NEK7: variants seen among roughly 807,000 people sequenced by gnomAD.
NEK7 encodes the protein NIMA related kinase 7, also known as serine/threonine-protein kinase Nek7.
NEK7 carries 18 observed loss-of-function variants against 44.6 expected under a neutral mutation model. The ratio of observed to expected loss-of-function variants is 0.40; its 90% confidence interval spans 0.28 to 0.60. The LOEUF (loss-of-function observed/expected upper bound fraction) is 0.60. Ranked by LOEUF, NEK7 falls within the 20% of genes least tolerant of loss-of-function variation. The probability of loss-of-function intolerance (pLI) is 0.38; values close to 1 mark genes in which losing one functional copy is unlikely to be tolerated. For synonymous variants in NEK7, 130 were observed against 121.1 expected, an observed-to-expected ratio of 1.07 and a Z score of -0.48; for missense variants, 256 against 366.5, an observed-to-expected ratio of 0.70 and a Z score of 2.46.
intron 5 of NEK7, among the ~76,000 whole-genome samples, chr1:198,265,884 A>G (rs1303893719): frequency 6.6e-6 from 1 of 152,120 alleles, no homozygotes; most frequent in East Asian, 1.9e-4. Context: ...ATGTCTTTAA[A>G]AAGTATACAT....
intron 3 of NEK7, 97 bp from the exon 4 acceptor site, chr1:198,262,478 G>A: frequency 1.3e-6 from 1 of 749,810 alleles, no homozygotes; most frequent in South Asian, 1.8e-5. Context: ...ATTCCTTAGT[G>A]TACAAATAAT....
intron 1 of NEK7, among the ~76,000 whole-genome samples, chr1:198,160,731 T>C (rs1408037305): frequency 6.6e-6 from 1 of 152,194 alleles, no homozygotes; most frequent in Non-Finnish European, 1.5e-5. Context: ...TAACATTTGG[T>C]TACATAATTG....
At chr1:198,259,639 T>C (rs1319109435) in intron 3 of NEK7, among the ~76,000 whole-genome samples, 1 of 152,190 alleles carries the variant, frequency 6.6e-6, no homozygotes, top group Non-Finnish European at 1.5e-5. Context: ...GTGTGTTTCA[T>C]ACCTATAACT....
intron 2 of NEK7, among the ~76,000 whole-genome samples, chr1:198,252,015 G>A (rs2102921213): frequency 6.6e-6 from 1 of 152,118 alleles, no homozygotes; most frequent in South Asian, 2.1e-4. Context: ...GGCATTTAGT[G>A]CTATAAATTG....
chr1:198,210,715 T>C (rs1286057192), intron 1 of NEK7, among the ~76,000 whole-genome samples: 1 of 150,412 alleles, frequency 6.6e-6, no homozygotes, highest in Non-Finnish European at 1.5e-5. Flanking sequence ...CTGTATTATA[T>C]GTCATTGTCC....
At position 198,241,025 on chromosome 1, in the gene NEK7, A is replaced by T. The variant is rs12083845; in HGVS notation, c.57+8388A>T. 6.6e-4 allele frequency among the ~76,000 whole-genome samples: 100 copies of T among 152,226 alleles called. 2 individuals carry two copies. Among genetic ancestry groups the T allele is most frequent in the Middle Eastern group, 3.4e-3 (1 of 294 alleles). ...ATAATTTTTATACAATTCACATGCT[A>T]TCTCTGATTACCATTCTAAAGAAGA... On this transcript the variant is annotated intron_variant, in intron 2 of 9. Transcript: ENST00000367385.
chr1:198,308,893 T>C (rs1453494409), intron 9 of NEK7, among the ~76,000 whole-genome samples: 1 of 152,188 alleles, frequency 6.6e-6, no homozygotes, highest in Non-Finnish European at 1.5e-5. Flanking sequence ...TCAGCTCAGA[T>C]GCCACCTCCA....
chr1:198,170,603 AT>A (rs1290698229), intron 1 of NEK7, among the ~76,000 whole-genome samples: 2 of 152,174 alleles, frequency 1.3e-5, no homozygotes, highest in Non-Finnish European at 2.9e-5. Context: ...TGTTCCAAGG[AT>A]CCCCTCATGG....
intron 1 of NEK7, among the ~76,000 whole-genome samples, chr1:198,163,773 T>C (rs1291513862): frequency 1.3e-5 from 2 of 152,248 alleles, no homozygotes; most frequent in African/African-American, 4.8e-5. Flanking sequence ...TGTTAGAATA[T>C]GTTTAGAGTA....
At chr1:198,316,672 G>T (rs1655379587) in intron 9 of NEK7, among the ~76,000 whole-genome samples, 2 of 152,070 alleles carry the variant, frequency 1.3e-5, no homozygotes, top group Admixed American at 6.5e-5. Context: ...CCGCTAGATT[G>T]TAGGCTGTTT....
chr1:198,264,903 T>C (rs1653599247), intron 5 of NEK7, among the ~76,000 whole-genome samples: 1 of 152,060 alleles, frequency 6.6e-6, no homozygotes, highest in Non-Finnish European at 1.5e-5. Flanking sequence ...TATAGGATTG[T>C]TGTAATGATT....
At chr1:198,207,840 A>G (rs1488231081) in intron 1 of NEK7, among the ~76,000 whole-genome samples, 1 of 152,228 alleles carries the variant, frequency 6.6e-6, no homozygotes, top group Non-Finnish European at 1.5e-5. Context: ...CCTTAATTTA[A>G]AAAGTTCTAA....
Position 198,279,098 on chromosome 1 carries a change from T to C in NEK7, c.589+37T>C, listed in dbSNP as rs1654110118. 3.3e-6 allele frequency: 4 copies of C among 1,222,892 alleles called. No homozygotes were observed. The East Asian group carries it at 9.4e-5, about 29-fold the overall frequency. The allele number at this position is 1,222,892 out of a possible 1,614,324, so 75.8% of individuals were successfully genotyped here. A position where few individuals can be genotyped will look rare whatever the true frequency, so the allele number is the denominator to read the frequency against. On this transcript the variant is annotated intron_variant, in intron 7 of 9. Coordinates refer to ENST00000367385, the MANE Select transcript of NEK7 (RefSeq NM_133494.3). Reference sequence around the variant, plus strand: ...AATATAATTTCATTCAGTTACTTTGTGTATGTGTGATTAAAAGATAAGAGG... The same window carrying C: ...AATATAATTTCATTCAGTTACTTTGCGTATGTGTGATTAAAAGATAAGAGG...
rs954195585 is a variant in NEK7 at position 198,320,646 on chromosome 1, T to C, written c.*1124T>C. The C allele has an allele frequency of 1.3e-5, 2 of 152,154 alleles. No homozygotes were observed. The highest frequency in any genetic ancestry group is 4.8e-5 in the African/African-American group (2 of 41,450). 9.4% of individuals were successfully genotyped at this position (152,154 alleles called of 1,614,324 possible). A position where few individuals can be genotyped will look rare whatever the true frequency, so the allele number is the denominator to read the frequency against. On this transcript the variant is annotated 3_prime_UTR_variant, in exon 10 of 10. Transcript: ENST00000367385. ...ACTTTTTAAAATTTGGGCCACTCTG[T>C]ATGCATATGTTTGGTCTTGTTAAAG...
At chr1:198,190,460 G>A (rs1351493458) in intron 1 of NEK7, among the ~76,000 whole-genome samples, 1 of 151,982 alleles carries the variant, frequency 6.6e-6, no homozygotes, top group African/African-American at 2.4e-5. Flanking sequence ...TATTTATTAA[G>A]AGTATACTGT....
chr1:198,163,152 A>G (rs1261713945), intron 1 of NEK7, among the ~76,000 whole-genome samples: 1 of 152,150 alleles, frequency 6.6e-6, no homozygotes, highest in African/African-American at 2.4e-5. Flanking sequence ...AATGTAATGA[A>G]TTCCTAATCT....
In NEK7 at chr1:198,275,279, A is replaced by C. The variant is rs147716613; in HGVS notation, c.373-2682A>C. The stretch of plus-strand genomic sequence containing the variant: ...GGGTGTTTATTTTTGCCTGCCCATA[A>C]ATTTTCAGATACTTTATTTTCAACT... On this transcript the variant is annotated intron_variant, in intron 5 of 9. Transcript: ENST00000367385. Among the ~76,000 whole-genome samples the C allele has an allele frequency of 3.8e-3, 582 of 151,316 alleles. 4 individuals carry two copies. Among genetic ancestry groups the C allele is most frequent in the African/African-American group, 0.013 (533 of 41,458 alleles).
intron 7 of NEK7, among the ~76,000 whole-genome samples, chr1:198,279,323 A>G (rs1237351298): frequency 6.6e-6 from 1 of 151,974 alleles, no homozygotes; most frequent in Non-Finnish European, 1.5e-5. Context: ...CTATTGCCAT[A>G]GAAAAGTCCT....
chr1:198,161,751 T>C (rs188464381), intron 1 of NEK7, among the ~76,000 whole-genome samples: 1 of 152,228 alleles, frequency 6.6e-6, no homozygotes, highest in African/African-American at 2.4e-5. Flanking sequence ...ATTGAATGAA[T>C]GCCTGTCTGT....
Sources: allele counts gnomAD v4.1 joint callset (sites outside exome capture counted in the v4.1 genomes callset), GRCh38; gene constraint gnomAD v4.1.1; transcripts MANE v1.5; gene names NCBI Gene and HGNC (gene_info 2026-07-23, HGNC 2026-07-21).